The following ATG5 variants were observed in gnomAD, a reference collection of about 807,000 sequenced individuals.
The protein encoded by ATG5 is autophagy protein 5.
A neutral mutation model predicts 36.5 loss-of-function variants in ATG5; 14 were observed. The observed-to-expected ratio is 0.38, with a 90% CI of 0.25 to 0.60. ATG5 has a LOEUF of 0.60. ATG5 is among the 20% of genes least tolerant of loss of function. The probability of loss-of-function intolerance (pLI) is 0.60; values close to 1 mark genes in which losing one functional copy is unlikely to be tolerated. For missense variants in ATG5, 195 were observed against 326.7 expected (o/e 0.60, Z 3.11); for synonymous variants, 95 against 101.5 (o/e 0.94, Z 0.38).
intron 7 of ATG5, among the ~76,000 whole-genome samples, chr6:106,193,343 A>G (rs1182360194): frequency 6.6e-6 from 1 of 152,204 alleles, no homozygotes; most frequent in Non-Finnish European, 1.5e-5. Flanking sequence ...CTTTCCATGT[A>G]TACATTTTAT....
intron 5 of ATG5, among the ~76,000 whole-genome samples, chr6:106,250,970 C>T (rs997394851): frequency 3.3e-5 from 5 of 152,226 alleles, no homozygotes; most frequent in Admixed American, 2.0e-4. Context: ...AGAAACGGTT[C>T]TGCCCAATGT....
chr6:106,234,517 A>G (rs946643792), intron 6 of ATG5, among the ~76,000 whole-genome samples: 1 of 152,172 alleles, frequency 6.6e-6, no homozygotes, highest in Non-Finnish European at 1.5e-5. Context: ...CCAACTCCCA[A>G]TGCATCAGGT....
chr6:106,297,715 TAAAC>T (rs1197551441), intron 3 of ATG5, among the ~76,000 whole-genome samples: 20 of 108,176 alleles, frequency 1.8e-4, no homozygotes, highest in Non-Finnish European at 2.5e-4. Flanking sequence ...CAAAATGACT[TAAAC>T]ACACACACAC....
chr6:106,299,605 A>G, intron 3 of ATG5, among the ~76,000 whole-genome samples: 1 of 152,130 alleles, frequency 6.6e-6, no homozygotes, highest in East Asian at 1.9e-4. Flanking sequence ...TCCATATTCA[A>G]TTCTCGAAAT....
chr6:106,248,503 C>G (rs1354128703), intron 5 of ATG5, among the ~76,000 whole-genome samples: 2 of 152,086 alleles, frequency 1.3e-5, no homozygotes, highest in African/African-American at 4.8e-5. Context: ...AACATATAAA[C>G]ATACGACTAC....
At chr6:106,274,688 T>C (rs1158019456) in intron 5 of ATG5, among the ~76,000 whole-genome samples, 1 of 152,200 alleles carries the variant, frequency 6.6e-6, no homozygotes. Context: ...TTTAGTTTAA[T>C]AGGAAACTAC....
chr6:106,246,970 A>G (rs1435134989), intron 6 of ATG5, among the ~76,000 whole-genome samples: 3 of 152,250 alleles, frequency 2.0e-5, no homozygotes, highest in Non-Finnish European at 4.4e-5. Context: ...CCCCGCCTTC[A>G]TGAAAAATAT....
intron 3 of ATG5, among the ~76,000 whole-genome samples, chr6:106,305,468 T>C (rs970489041): frequency 2.0e-5 from 3 of 152,190 alleles, no homozygotes; most frequent in African/African-American, 7.2e-5. Flanking sequence ...TGTCACCTTA[T>C]GAAAAGACAA....
intron 3 of ATG5, among the ~76,000 whole-genome samples, chr6:106,306,220 T>A (rs987983649): frequency 1.3e-5 from 2 of 152,206 alleles, no homozygotes; most frequent in Non-Finnish European, 2.9e-5. Flanking sequence ...GCCAAAATCA[T>A]TGTTTTGCAG....
At chr6:106,252,004 C>A (rs1287739907) in intron 5 of ATG5, among the ~76,000 whole-genome samples, 1 of 152,188 alleles carries the variant, frequency 6.6e-6, no homozygotes, top group Non-Finnish European at 1.5e-5. Context: ...TCACGCCCGG[C>A]TAATTTTTGT....
rs141027602 is a variant in ATG5 at position 106,250,030 on chromosome 6, C to A, written c.479-1786G>T. Among the ~76,000 whole-genome samples, 796 of 152,194 alleles carry A rather than the reference C, an allele frequency of 5.2e-3. 7 individuals are homozygous for A. The highest frequency in any genetic ancestry group is 6.8e-3 in the Middle Eastern group (2 of 294). On this transcript the variant is annotated intron_variant, in intron 5 of 7. Transcript: ENST00000369076. ...TATGACTCACATATTTTCTCCCGTT[C>A]TGTACATTGTTTTTTAAGCAACTCC... is the stretch of plus-strand genomic sequence containing the variant.
chr6:106,250,201 G>C (rs1778516671), intron 5 of ATG5, among the ~76,000 whole-genome samples: 1 of 152,096 alleles, frequency 6.6e-6, no homozygotes, highest in Non-Finnish European at 1.5e-5. Flanking sequence ...AGACCTGTTT[G>C]AATCCAATCT....
intron 6 of ATG5, among the ~76,000 whole-genome samples, chr6:106,237,222 C>T (rs1777936348): frequency 6.6e-6 from 1 of 151,926 alleles, no homozygotes; most frequent in Non-Finnish European, 1.5e-5. Context: ...TAAATAAAAG[C>T]AAAACTAAAC....
At chr6:106,313,661 C>T (rs986479782) in intron 2 of ATG5, among the ~76,000 whole-genome samples, 4 of 151,830 alleles carry the variant, frequency 2.6e-5, no homozygotes, top group Non-Finnish European at 2.9e-5. Flanking sequence ...AGGATATAGG[C>T]GGAAAGATTA....
At chr6:106,218,843 G>A (rs919230943) in intron 6 of ATG5, among the ~76,000 whole-genome samples, 6 of 152,028 alleles carry the variant, frequency 3.9e-5, no homozygotes, top group African/African-American at 1.4e-4. Flanking sequence ...AGTTAATACA[G>A]GTATTTTCCC....
intron 6 of ATG5, among the ~76,000 whole-genome samples, chr6:106,225,725 C>T (rs998655807): frequency 1.2e-4 from 18 of 152,008 alleles, no homozygotes; most frequent in Non-Finnish European, 2.1e-4. Context: ...CTGCCAGTTC[C>T]CTAGAAAAAC....
chr6:106,188,854 T>C (rs1050933536), intron 7 of ATG5, among the ~76,000 whole-genome samples: 1 of 152,212 alleles, frequency 6.6e-6, no homozygotes, highest in Non-Finnish European at 1.5e-5. Flanking sequence ...GTTTTAAATA[T>C]ATTATTTTGT....
chr6:106,323,260 CTTTTTTTTT>C (rs71274321), intron 1 of ATG5, among the ~76,000 whole-genome samples: 4 of 64,222 alleles, frequency 6.2e-5, no homozygotes, highest in Non-Finnish European at 8.1e-5. Flanking sequence ...TGGAAAAGTC[CTTTTTTTTT>C]TTTTTTTTTT....
intron 2 of ATG5, among the ~76,000 whole-genome samples, chr6:106,313,342 G>C (rs1262662262): frequency 1.3e-5 from 2 of 152,290 alleles, no homozygotes; most frequent in African/African-American, 4.8e-5. Context: ...AGAGGTCAGG[G>C]CTCAGAGACA....
Sources: gnomAD v4.1 joint callset for allele counts (sites outside exome capture counted in the v4.1 genomes callset) on GRCh38, gnomAD v4.1.1 for gene constraint, MANE v1.5 for transcripts, NCBI Gene and HGNC (gene_info 2026-07-23, HGNC 2026-07-21) for gene names.